Variants in ANKRD17 observed in about 807,000 individuals in gnomAD.
The protein encoded by ANKRD17 is ankyrin repeat domain 17.
In ANKRD17, 19 loss-of-function variants were observed where a neutral mutation model predicts 229.7. That is an observed-to-expected ratio of 0.08 (90% CI 0.06 to 0.12). The LOEUF (loss-of-function observed/expected upper bound fraction) is 0.12, where lower values mean the gene tolerates loss of function less well. Among genes scored for constraint, ANKRD17 ranks in the 10% least tolerant of loss-of-function variants. The pLI, the probability that ANKRD17 is intolerant of heterozygous loss-of-function variation, is 1.00. For missense variants in ANKRD17, 2,176 were observed against 3,176.8 expected (o/e 0.68, Z 7.57); for synonymous variants, 1,112 against 1,146.1 (o/e 0.97, Z 0.60).
At chr4:73,127,303 A>C (rs751044738) in intron 16 of ANKRD17, among the ~76,000 whole-genome samples, 2 of 152,228 alleles carry the variant, frequency 1.3e-5, no homozygotes, top group Non-Finnish European at 2.9e-5. Context: ...GTATGAAATA[A>C]AAATGTAAAT....
intron 1 of ANKRD17, among the ~76,000 whole-genome samples, chr4:73,192,437 T>A (rs1055926735): frequency 2.6e-5 from 4 of 151,996 alleles, no homozygotes; most frequent in Admixed American, 2.0e-4. Flanking sequence ...TGTGCAAGAA[T>A]GTACACAAAA....
intron 16 of ANKRD17, among the ~76,000 whole-genome samples, chr4:73,130,570 T>C (rs1023666487): frequency 6.6e-6 from 1 of 151,912 alleles, no homozygotes; most frequent in Non-Finnish European, 1.5e-5. Context: ...TATATGTTAA[T>C]TATTAAAAAG....
At chr4:73,217,471 C>A (rs1741230320) in intron 1 of ANKRD17, among the ~76,000 whole-genome samples, 1 of 152,142 alleles carries the variant, frequency 6.6e-6, no homozygotes, top group Non-Finnish European at 1.5e-5. Flanking sequence ...GGTTGATCAT[C>A]CCTAATCTGA....
chr4:73,135,413 T>C (rs1728767873), intron 15 of ANKRD17, 148 bp from the exon 16 acceptor site: 1 of 647,052 alleles, frequency 1.5e-6, no homozygotes, highest in Non-Finnish European at 2.4e-6. Context: ...TTCCTGGTTA[T>C]TATTCACTGA....
chr4:73,084,160 T>C (rs1456687223), intron 30 of ANKRD17, among the ~76,000 whole-genome samples: 2 of 152,036 alleles, frequency 1.3e-5, no homozygotes, highest in African/African-American at 4.8e-5. Context: ...GGTGGGCAGA[T>C]CATGAGATCA....
Position 73,113,968 on chromosome 4 carries a change from C to T in ANKRD17, c.4285-60G>A, listed in dbSNP as rs1424795946. The T allele has an allele frequency of 4.1e-6, 5 of 1,212,386 alleles. No homozygotes were observed. The African/African-American group carries it at 7.5e-5, about 18-fold the overall frequency. The allele number at this position is 1,212,386 out of a possible 1,614,324, so 75.1% of individuals were successfully genotyped here. A position where few individuals can be genotyped will look rare whatever the true frequency, so the allele number is the denominator to read the frequency against. On this transcript the variant is annotated intron_variant, in intron 23 of 33. Coordinates refer to ENST00000358602, the MANE Select transcript of ANKRD17 (RefSeq NM_032217.5). ...AGAACAATTCTCACTTAGAGAAATT[C>T]CTAAAAACACGAAGATCTTTAGTAA...
At chr4:73,187,647 G>A (rs978323085) in intron 1 of ANKRD17, among the ~76,000 whole-genome samples, 3 of 152,198 alleles carry the variant, frequency 2.0e-5, no homozygotes, top group Admixed American at 1.3e-4. Context: ...GCTTGGGCCT[G>A]CTCCCACACT....
intron 16 of ANKRD17, among the ~76,000 whole-genome samples, chr4:73,134,150 G>A (rs1239162209): frequency 6.6e-6 from 1 of 152,046 alleles, no homozygotes; most frequent in African/African-American, 2.4e-5. Context: ...TGTTACTGAG[G>A]ATCATTTTAA....
intron 9 of ANKRD17, among the ~76,000 whole-genome samples, 154 bp from the exon 10 acceptor site, chr4:73,147,027 TAA>T (rs201617650): frequency 6.6e-6 from 1 of 152,104 alleles, no homozygotes; most frequent in Non-Finnish European, 1.5e-5. Flanking sequence ...TTGTAGGCAT[TAA>T]AAAAATTACA....
chr4:73,099,884 T>C (rs1723753232), intron 25 of ANKRD17, among the ~76,000 whole-genome samples: 1 of 152,064 alleles, frequency 6.6e-6, no homozygotes, highest in Non-Finnish European at 1.5e-5. Context: ...GATGCAGTCA[T>C]TTATTGTCCA....
intron 16 of ANKRD17, among the ~76,000 whole-genome samples, chr4:73,133,793 C>G (rs1405335430): frequency 6.6e-6 from 1 of 152,036 alleles, no homozygotes; most frequent in Non-Finnish European, 1.5e-5. Context: ...GAGGCTGAGA[C>G]AGGAGTTTGA....
chr4:73,161,655 C>T (rs1022197496), intron 2 of ANKRD17, among the ~76,000 whole-genome samples: 2 of 152,216 alleles, frequency 1.3e-5, no homozygotes, highest in East Asian at 3.9e-4. Context: ...TCAAAGGTTG[C>T]TAAATTGGTA....
chr4:73,227,302 C>CA (rs993048424), intron 1 of ANKRD17, among the ~76,000 whole-genome samples: 3 of 152,034 alleles, frequency 2.0e-5, no homozygotes, highest in African/African-American at 7.2e-5. Context: ...TACAGGCGCC[C>CA]ACCACCACGC....
rs1205436251 is a variant in ANKRD17 at position 73,098,355 on chromosome 4, T to C, written c.4739A>G (p.Asn1580Ser). The change falls in exon 26 of 34, where the codon AAC becomes AGC. Residue 1580 changes from asparagine (N) to serine (S), a missense_variant. This residue lies in a region of ANKRD17 where 105 missense variants were observed against 118.3 expected (regional missense o/e 0.89). Coordinates refer to ENST00000358602, the MANE Select transcript of ANKRD17 (RefSeq NM_032217.5). Reference protein sequence around the residue: ...KNRKNKITPENVQIIFDDPLP... With the variant: ...KNRKNKITPESVQIIFDDPLP... ...TGGATCATCAAATATAATTTGAACG[T>C]TTTCTGGAGTAATTTTATTTTTCCT... 1 of 1,614,214 alleles carries C rather than the reference T, an allele frequency of 6.2e-7. No individual in the cohort carries two copies. The highest frequency in any genetic ancestry group is 8.5e-7 in the Non-Finnish European group (1 of 1,180,030).
At chr4:73,077,650 A>C in intron 31 of ANKRD17, 117 bp from the exon 32 acceptor site, 1 of 825,366 alleles carries the variant, frequency 1.2e-6, no homozygotes, top group Non-Finnish European at 1.8e-6. Context: ...ATAATGACCT[A>C]CTTTTATATA....
chr4:73,102,938 C>A (rs1724186689), intron 24 of ANKRD17, among the ~76,000 whole-genome samples: 1 of 152,058 alleles, frequency 6.6e-6, no homozygotes, highest in African/African-American at 2.4e-5. Flanking sequence ...TGAATATTTA[C>A]ATTTTAGAAA....
chr4:73,098,190 C>T lies in ANKRD17; in HGVS notation c.4904G>A (p.Ser1635Asn). 1 of 1,614,234 alleles carries T rather than the reference C, an allele frequency of 6.2e-7. No individual in the cohort carries two copies. The highest frequency in any genetic ancestry group is 8.5e-7 in the Non-Finnish European group (1 of 1,180,044). Residue 1635 changes from serine to asparagine, a missense_variant, in exon 26 of 34, where the codon AGT (serine) becomes AAT (asparagine). Around this residue, in one of 18 missense-constraint regions of ANKRD17, gnomAD observed 98 missense variants for 101.0 expected, o/e 0.97. Coordinates refer to ENST00000358602, the MANE Select transcript of ANKRD17 (RefSeq NM_032217.5). ...GACCACAGCTGGTGAATGATTGTCA[C>T]TCTTACGACTGCTGTTGCTGTTACT... ...ESSNSNSSRK[S>N]DNHSPAVVTT...
chr4:73,098,228 G>A lies in ANKRD17; in HGVS notation c.4866C>T (p.Cys1622=), dbSNP rs1723540508. 6.2e-7 allele frequency: 1 copy of A among 1,614,178 alleles called. No individual in the cohort carries two copies. The highest frequency in any genetic ancestry group is 8.5e-7 in the Non-Finnish European group (1 of 1,180,044). Residue 1622 remains cysteine (C), a synonymous_variant, in exon 26 of 34, where the codon TGC becomes TGT. Coordinates refer to ENST00000358602, the MANE Select transcript of ANKRD17 (RefSeq NM_032217.5). The part of the protein sequence containing the change: ...GDSDNMRISS[C]SDESSNSNSS... ...TGTTGCTGTTACTACTTTCATCGCT[G>A]CAGCTGGAAATCCTCATGTTATCAC... is the stretch of plus-strand genomic sequence containing the variant.
chr4:73,179,271 T>G (rs1735123896), intron 1 of ANKRD17, among the ~76,000 whole-genome samples: 1 of 151,546 alleles, frequency 6.6e-6, no homozygotes, highest in Non-Finnish European at 1.5e-5. Context: ...CACAACATTC[T>G]AAAAATATTC....
Sources: gnomAD v4.1 joint callset for allele counts (sites outside exome capture counted in the v4.1 genomes callset) on GRCh38, gnomAD v4.1.1 for gene constraint, gnomAD v4.1.1 regional missense constraint, MANE v1.5 for transcripts, NCBI Gene and HGNC (gene_info 2026-07-23, HGNC 2026-07-21) for gene names.